Variants in DPP8 observed in about 807,000 individuals in gnomAD.
DPP8 encodes DPP VIII.
In DPP8, 31 loss-of-function variants were observed where a neutral mutation model predicts 107.5. The ratio of observed to expected loss-of-function variants is 0.29; its 90% CI spans 0.22 to 0.39. DPP8 has a LOEUF of 0.39. Among genes scored for constraint, DPP8 ranks in the 10% least tolerant of loss-of-function variants. DPP8 has a pLI of 1.00. For missense variants in DPP8, 842 were observed against 1,076.1 expected (o/e 0.78, Z 3.04); for synonymous variants, 381 against 356.6 (o/e 1.07, Z -0.77).
At chr15:65,503,105 A>G (rs1027707584) in intron 3 of DPP8, among the ~76,000 whole-genome samples, 3 of 151,962 alleles carry the variant, frequency 2.0e-5, no homozygotes, top group Non-Finnish European at 4.4e-5. Context: ...AACACCATTA[A>G]TTATTATTAT....
chr15:65,443,513 T>C lies in DPP8; in HGVS notation c.*3371A>G, dbSNP rs1419783243. 1 of 151,200 alleles carries C rather than the reference T, an allele frequency of 6.6e-6. No individual in the cohort carries two copies. Among genetic ancestry groups the C allele is most frequent in the Non-Finnish European group, 1.5e-5 (1 of 67,912 alleles). The allele number at this position is 151,200 out of a possible 1,614,324, so 9.4% of individuals were successfully genotyped here. A position where few individuals can be genotyped will look rare whatever the true frequency, so the allele number is the denominator to read the frequency against. Reference sequence around the variant, plus strand: ...AGTAGTAAAAAAAAAAAAGTAAGCATCGGTATCAATATCGCATTCTTTTAA... The same window carrying C: ...AGTAGTAAAAAAAAAAAAGTAAGCACCGGTATCAATATCGCATTCTTTTAA... On this transcript the variant is annotated 3_prime_UTR_variant, in exon 20 of 20. Transcript: ENST00000300141.
intron 12 of DPP8, among the ~76,000 whole-genome samples, chr15:65,470,856 T>C (rs1365801354): frequency 2.0e-5 from 3 of 150,164 alleles, no homozygotes; most frequent in African/African-American, 5.0e-5. Context: ...GAGGCGGAAG[T>C]TGCAGTAAGC....
chr15:65,507,427 C>T, intron 2 of DPP8, 72 bp from the exon 3 acceptor site: 2 of 916,862 alleles, frequency 2.2e-6, no homozygotes, highest in Non-Finnish European at 3.5e-6. Flanking sequence ...GTTGCAAGTA[C>T]ATAATGCCTT....
intron 3 of DPP8, among the ~76,000 whole-genome samples, chr15:65,502,263 T>C (rs1229010331): frequency 1.3e-5 from 2 of 150,950 alleles, no homozygotes; most frequent in African/African-American, 4.9e-5. Flanking sequence ...CTTATTTAAC[T>C]ATGGTATTGT....
chr15:65,462,394 C>T (rs989693573), intron 15 of DPP8, among the ~76,000 whole-genome samples: 1 of 152,008 alleles, frequency 6.6e-6, no homozygotes, highest in African/African-American at 2.4e-5. Flanking sequence ...TTTTTGTGTA[C>T]AATTTGGTAT....
At position 65,454,331 on chromosome 15, in the gene DPP8, T is replaced by C; in HGVS notation, c.2203A>G (p.Ile735Val). Residue 735 changes from isoleucine (I) to valine (V), a missense_variant, in exon 17 of 20, where the codon ATC (isoleucine) becomes GTC (valine). This residue lies in a region of DPP8 where 179 missense variants were observed against 318.0 expected (regional missense o/e 0.56). Transcript: ENST00000300141. ...YDFIDLDRVGIHGWSYGGYLS... is the reference protein window; with the variant it reads ...YDFIDLDRVGVHGWSYGGYLS... ...TATCCTCCATAGGACCAGCCGTGGA[T>C]GCCCACACGATCTAAGTCAATGAAA... is the stretch of plus-strand genomic sequence containing the variant. The C allele has an allele frequency of 6.2e-7, 1 of 1,604,980 alleles. No individual in the cohort carries two copies. The highest frequency in any genetic ancestry group is 2.3e-5 in the East Asian group (1 of 44,012).
intron 8 of DPP8, among the ~76,000 whole-genome samples, chr15:65,482,575 C>T (rs1325264989): frequency 1.3e-5 from 2 of 151,946 alleles, no homozygotes; most frequent in Middle Eastern, 3.4e-3. Context: ...CGTGCTTGGC[C>T]CATTTGTGTA....
intron 15 of DPP8, among the ~76,000 whole-genome samples, chr15:65,457,846 T>C (rs2064561296): frequency 6.6e-6 from 1 of 151,978 alleles, no homozygotes; most frequent in Admixed American, 6.6e-5. Context: ...CAGGCTGGAG[T>C]GTGGTGGTAC....
At chr15:65,465,500 T>G (rs1274235917) in intron 14 of DPP8, among the ~76,000 whole-genome samples, 1 of 151,758 alleles carries the variant, frequency 6.6e-6, no homozygotes, top group Non-Finnish European at 1.5e-5. Context: ...AAATAGCTAG[T>G]TAGTGAAAAT....
chr15:65,499,567 T>A (rs1193572398), intron 4 of DPP8, among the ~76,000 whole-genome samples: 1 of 151,470 alleles, frequency 6.6e-6, no homozygotes, highest in Admixed American at 6.6e-5. Flanking sequence ...ACTTTAAAAT[T>A]TGTATGTTTT....
intron 3 of DPP8, among the ~76,000 whole-genome samples, chr15:65,504,101 G>T (rs942753928): frequency 1.3e-5 from 2 of 151,902 alleles, no homozygotes; most frequent in Non-Finnish European, 2.9e-5. Flanking sequence ...AGTGGCTCAC[G>T]CCTGTAATCC....
At chr15:65,478,365 T>C (rs2066596914) in intron 11 of DPP8, among the ~76,000 whole-genome samples, 1 of 152,190 alleles carries the variant, frequency 6.6e-6, no homozygotes, top group African/African-American at 2.4e-5. Flanking sequence ...TTCAAGTGAT[T>C]TTCCTGCCTC....
Position 65,475,454 on chromosome 15 carries a change from C to G in DPP8, c.1457-1166G>C, listed in dbSNP as rs1254487461. ...ATTATGGCATTCAGGGAGCCAGGGT[C>G]CAGAGCTGCAGGGCTGGGGTCCCTG... On this transcript the variant is annotated intron_variant, in intron 11 of 19. Transcript: ENST00000300141. 2.5e-6 allele frequency: 4 copies of G among 1,568,744 alleles called. No individual in the cohort carries two copies. The Admixed American group carries it at 6.8e-5, about 27-fold the overall frequency.
chr15:65,463,755 G>A lies in DPP8; in HGVS notation c.1971+6C>T. The A allele has an allele frequency of 6.2e-7, 1 of 1,608,184 alleles. No homozygotes were observed. Among genetic ancestry groups the A allele is most frequent in the Non-Finnish European group, 8.5e-7 (1 of 1,175,314 alleles). On this transcript the variant is annotated splice_donor_region_variant and intron_variant, in intron 15 of 19. Transcript: ENST00000300141. ...TGTATGTATATATGTATATAAATAT[G>A]CCCACCTGAGGACCACCATATATGA...
At chr15:65,487,554 G>A in intron 7 of DPP8, 136 bp downstream of exon 7, 1 of 748,496 alleles carries the variant, frequency 1.3e-6, no homozygotes, top group South Asian at 1.7e-5. Context: ...CTATTTTTGT[G>A]GTACTTAGTG....
intron 15 of DPP8, chr15:65,458,559 C>G (rs1288526924): frequency 6.6e-6 from 1 of 152,066 alleles, no homozygotes; most frequent in Non-Finnish European, 1.5e-5. Flanking sequence ...CCTTACCCAG[C>G]CTTGTTAAAT....
rs112884466 is a variant in DPP8, at chr15:65,481,690, C to A, written c.1018-75G>T. On this transcript the variant is annotated intron_variant, in intron 8 of 19. Transcript: ENST00000300141. ...TAATTAGCTTGCTAGTCTACTTTAACAATTTATCCAAAAAGCAGAAAATTT... is the reference window on the plus strand; with the variant it reads ...TAATTAGCTTGCTAGTCTACTTTAAAAATTTATCCAAAAAGCAGAAAATTT... The A allele has an allele frequency of 5.5e-6, 5 of 906,678 alleles. No individual in the cohort carries two copies. The African/African-American group carries it at 7.1e-5, about 13-fold the overall frequency. The allele number at this position is 906,678 out of a possible 1,614,324, so 56.2% of individuals were successfully genotyped here.
chr15:65,469,734 G>C (rs951310819), intron 12 of DPP8, among the ~76,000 whole-genome samples: 8 of 151,810 alleles, frequency 5.3e-5, no homozygotes, highest in African/African-American at 1.9e-4. Flanking sequence ...TACTCGGGAG[G>C]CTGAGGCATA....
rs767550888 is a variant in DPP8, at chr15:65,444,019, C to T, written c.*2865G>A. On this transcript the variant is annotated 3_prime_UTR_variant, in exon 20 of 20. Coordinates refer to ENST00000300141, the MANE Select transcript of DPP8 (RefSeq NM_130434.5). Reference sequence around the variant, plus strand: ...GCAACTTCCGCCTCCCAGGTTCAAGCGATTCTCCTGCCTCAGCCTCCCGAG... The same window carrying T: ...GCAACTTCCGCCTCCCAGGTTCAAGTGATTCTCCTGCCTCAGCCTCCCGAG... 3.9e-5 allele frequency: 6 copies of T among 152,502 alleles called. No individual in the cohort carries two copies. Among genetic ancestry groups the T allele is most frequent in the Non-Finnish European group, 7.3e-5 (5 of 68,302 alleles). The allele number at this position is 152,502 out of a possible 1,614,324, so 9.4% of individuals were successfully genotyped here. A position where few individuals can be genotyped will look rare whatever the true frequency, so the allele number is the denominator to read the frequency against.
Sources: allele counts gnomAD v4.1 joint callset (sites outside exome capture counted in the v4.1 genomes callset), GRCh38; gene constraint gnomAD v4.1.1; regional missense constraint gnomAD v4.1.1; transcripts MANE v1.5; gene names NCBI Gene and HGNC (gene_info 2026-07-23, HGNC 2026-07-21).